Variants in TBC1D13 observed in about 807,000 individuals in gnomAD.
TBC1D13 encodes the protein epididymis secretory sperm binding protein.
In TBC1D13, 40 loss-of-function variants were observed where a neutral mutation model predicts 53.6. The observed-to-expected ratio is 0.75, with a 90% CI of 0.58 to 0.97. The LOEUF is 0.97. TBC1D13 is among the 50% of genes least tolerant of loss of function. The probability of loss-of-function intolerance (pLI) is 0.00; values close to 1 mark genes in which losing one functional copy is unlikely to be tolerated. For synonymous variants in TBC1D13, 182 were observed against 197.7 expected (o/e 0.92, Z 0.67); for missense variants, 377 against 499.4 (o/e 0.75, Z 2.34).
chr9:128,790,741 C>A lies in TBC1D13; in HGVS notation c.104C>A (p.Pro35His). The change falls in exon 3 of 12, where the codon CCC (proline) becomes CAC (histidine). Residue 35 changes from proline to histidine, a missense_variant. By Grantham distance (77) the Pro-to-His change is moderately conservative (BLOSUM62 -2). Coordinates refer to ENST00000372648, the MANE Select transcript of TBC1D13 (RefSeq NM_018201.5). ...TTGCCTGCTGTGTCCACAGGCATCC[C>A]CTGTGAGGGCGGACTGCGGTGCCTC... is the stretch of plus-strand genomic sequence containing the variant. ...KLRELSFSGIPCEGGLRCLCW... is the reference protein window; with the variant it reads ...KLRELSFSGIHCEGGLRCLCW... 1 of 1,552,656 alleles carries A rather than the reference C, an allele frequency of 6.4e-7. No individual in the cohort carries two copies. The highest frequency in any genetic ancestry group is 8.6e-7 in the Non-Finnish European group (1 of 1,158,018).
chr9:128,801,329 G>C (rs1485235465), intron 7 of TBC1D13, among the ~76,000 whole-genome samples: 1 of 152,076 alleles, frequency 6.6e-6, no homozygotes, highest in East Asian at 1.9e-4. Flanking sequence ...TTGGTCTCTT[G>C]ATTTGGACTA....
intron 6 of TBC1D13, 74 bp from the exon 7 acceptor site, chr9:128,796,981 G>A (rs1829641889): frequency 6.5e-7 from 1 of 1,534,240 alleles, no homozygotes; most frequent in Non-Finnish European, 9.0e-7. Context: ...GGGAGTCTTG[G>A]GGTCTCCTGG....
intron 5 of TBC1D13, among the ~76,000 whole-genome samples, chr9:128,792,106 G>A (rs1829543811): frequency 1.3e-5 from 2 of 152,224 alleles, no homozygotes; most frequent in African/African-American, 2.4e-5. Flanking sequence ...CTCACAGATA[G>A]GAATTGACGA....
intron 7 of TBC1D13, among the ~76,000 whole-genome samples, chr9:128,797,534 G>A (rs1428463064): frequency 6.6e-6 from 1 of 152,196 alleles, no homozygotes; most frequent in Non-Finnish European, 1.5e-5. Flanking sequence ...TGGGCACAGT[G>A]GTTCACGCCT....
In TBC1D13 at chr9:128,797,112, C is replaced by T. The variant is rs996068568; in HGVS notation, c.441C>T (p.Leu147=). The change falls in exon 7 of 12, where the codon CTC becomes CTT. Residue 147 remains leucine (L), a synonymous_variant. Transcript: ENST00000372648. ...GGGCCACTGACTACCCTTGCCTCCT[C>T]ATCCTGGACCCCCAGAATGAGTTTG... ...FQRATDYPCL[L]ILDPQNEFET... is the part of the protein sequence containing the mutation. The T allele has an allele frequency of 5.0e-6, 8 of 1,613,988 alleles. No homozygotes were observed. The highest frequency in any genetic ancestry group is 6.8e-6 in the Non-Finnish European group (8 of 1,180,036).
chr9:128,796,252 A>AT lies in TBC1D13; in HGVS notation c.384-789dup, dbSNP rs558315205. Among the ~76,000 whole-genome samples the AT allele has an allele frequency of 6.6e-3, 938 of 143,096 alleles. 10 individuals are homozygous for AT. Among genetic ancestry groups the AT allele is most frequent in the African/African-American group, 0.02 (775 of 39,110 alleles). The allele number at this position is 143,096 out of a possible 152,430, so 93.9% of individuals were successfully genotyped here. On this transcript the variant is annotated intron_variant, in intron 6 of 11. Coordinates refer to ENST00000372648, the MANE Select transcript of TBC1D13 (RefSeq NM_018201.5). ...AGGCACCTCCCACTGCGCCTGGCTA[A>AT]TTTTTTTTTTTTTTGAGACGGAGTT...
At chr9:128,800,489 G>A (rs10988118) in intron 7 of TBC1D13, among the ~76,000 whole-genome samples, 3 of 146,036 alleles carry the variant, frequency 2.1e-5, no homozygotes, top group Non-Finnish European at 4.4e-5. Context: ...TCGTGCCTTA[G>A]CCTCCTGAAT....
At position 128,803,442 on chromosome 9, in the gene TBC1D13, C is replaced by T; in HGVS notation, c.736C>T (p.Pro246Ser). 1 of 1,614,112 alleles carries T rather than the reference C, an allele frequency of 6.2e-7. No homozygotes were observed. The highest frequency in any genetic ancestry group is 1.3e-5 in the African/African-American group (1 of 75,012). The change falls in exon 8 of 12, where the codon CCC becomes TCC. Residue 246 changes from proline to serine, a missense_variant. By Grantham distance (74) the Pro-to-Ser change is moderately conservative (BLOSUM62 -1). Transcript: ENST00000372648. ...GPLYYTFATD[P>S]NSEWKEHAEA... ...CCTCTACTACACCTTTGCCACCGAC[C>T]CCAATAGTGAGTGGAAAGGTAAGAA...
intron 6 of TBC1D13, 21 bp downstream of exon 6, chr9:128,792,595 C>T (rs766774042): frequency 2.7e-5 from 44 of 1,610,282 alleles, no homozygotes; most frequent in African/African-American, 4.0e-5. Flanking sequence ...TGCCTGGGGC[C>T]GGGAGCTGGC....
intron 6 of TBC1D13, among the ~76,000 whole-genome samples, chr9:128,796,424 T>G (rs930737304): frequency 7.2e-5 from 11 of 152,058 alleles, no homozygotes; most frequent in Admixed American, 7.2e-4. Flanking sequence ...TAATTTTGTA[T>G]TTTTTTAGTA....
Position 128,803,413 on chromosome 9 carries a change from G to C in TBC1D13, c.707G>C (p.Gly236Ala), listed in dbSNP as rs751734572. The stretch of plus-strand genomic sequence containing the variant: ...GTGCAAGGCATGAATGAAATCGTGG[G>C]GCCCCTCTACTACACCTTTGCCACC... The part of the protein sequence containing the change: ...AYVQGMNEIV[G>A]PLYYTFATDP... The change falls in exon 8 of 12, where the codon GGG becomes GCG. Residue 236 changes from glycine (G) to alanine (A), a missense_variant. By Grantham distance (60) the Gly-to-Ala change is moderately conservative (BLOSUM62 0). Coordinates refer to ENST00000372648, the MANE Select transcript of TBC1D13 (RefSeq NM_018201.5). 1 of 1,614,142 alleles carries C rather than the reference G, an allele frequency of 6.2e-7. No individual in the cohort carries two copies. Among genetic ancestry groups the C allele is most frequent in the Non-Finnish European group, 8.5e-7 (1 of 1,180,042 alleles).
chr9:128,803,512 G>C, intron 8 of TBC1D13, 52 bp downstream of exon 8: 2 of 1,566,530 alleles, frequency 1.3e-6, no homozygotes, highest in South Asian at 1.1e-5. Flanking sequence ...GTGTCAGGCT[G>C]TGCACCTCAC....
chr9:128,804,249 G>A lies in TBC1D13; in HGVS notation c.918+130G>A, dbSNP rs531350859. 2.6e-5 allele frequency: 28 copies of A among 1,087,292 alleles called. 1 individual carries two copies. In the Admixed American group the frequency reaches 4.8e-4, roughly 19 times the overall value. 67.4% of individuals were successfully genotyped at this position (1,087,292 alleles called of 1,614,324 possible). Reference sequence around the variant, plus strand: ...AGCTGCTGCTGCTGCTGCCCGGGACGCTGACCCATGTGCTGAGGCAGCTGA... The same window carrying A: ...AGCTGCTGCTGCTGCTGCCCGGGACACTGACCCATGTGCTGAGGCAGCTGA... On this transcript the variant is annotated intron_variant, in intron 9 of 11. Transcript: ENST00000372648.
At chr9:128,802,754 T>TTTTTTA in intron 7 of TBC1D13, among the ~76,000 whole-genome samples, 2 of 141,054 alleles carry the variant, frequency 1.4e-5, no homozygotes, top group Admixed American at 6.9e-5. Flanking sequence ...TTTTTTTTTT[T>TTTTTTA]GAGACAGTGT....
chr9:128,804,948 C>T (rs762443610), intron 9 of TBC1D13, among the ~76,000 whole-genome samples: 11 of 150,386 alleles, frequency 7.3e-5, no homozygotes, highest in Non-Finnish European at 1.5e-4. Flanking sequence ...AGGCTGGTCT[C>T]GAACTCCTGA....
At chr9:128,793,629 G>GACTTAGC (rs1829574493) in intron 6 of TBC1D13, among the ~76,000 whole-genome samples, 1 of 152,338 alleles carries the variant, frequency 6.6e-6, no homozygotes, top group Admixed American at 6.5e-5. Context: ...AGATACGTGG[G>GACTTAGC]ACTTAGCACT....
At position 128,797,204 on chromosome 9, in the gene TBC1D13, G is replaced by A. The variant is rs760695395; in HGVS notation, c.533G>A (p.Gly178Glu). 1.1e-5 allele frequency: 17 copies of A among 1,613,812 alleles called. No homozygotes were observed. Among genetic ancestry groups the A allele is most frequent in the Non-Finnish European group, 1.4e-5 (17 of 1,179,938 alleles). Residue 178 changes from glycine to glutamate, a missense_variant, in exon 7 of 12, where the codon GGG (glycine) becomes GAG (glutamate). Physicochemically the swap from Gly to Glu is moderately conservative, Grantham distance 98. Coordinates refer to ENST00000372648, the MANE Select transcript of TBC1D13 (RefSeq NM_018201.5). ...CAGACGGTGGCCCGGAACCGGAGTG[G>A]GGTCACAAATGTGAGTGCCAACCTG... is the stretch of plus-strand genomic sequence containing the variant. Reference protein sequence around the residue: ...KSQTVARNRSGVTNMSSPHKN... With the variant: ...KSQTVARNRSEVTNMSSPHKN...
At chr9:128,791,001 T>C (rs1039893711) in intron 3 of TBC1D13, among the ~76,000 whole-genome samples, 11 of 152,360 alleles carry the variant, frequency 7.2e-5, no homozygotes, top group Admixed American at 2.0e-4. Flanking sequence ...CTCTGCTTCC[T>C]GGTCCGTGAA....
intron 6 of TBC1D13, among the ~76,000 whole-genome samples, chr9:128,794,132 C>T (rs1015817411): frequency 6.6e-6 from 1 of 152,160 alleles, no homozygotes; most frequent in African/African-American, 2.4e-5. Context: ...GAGGAGGCAG[C>T]AAGCTGGGTG....
Sources: gnomAD v4.1 joint callset for allele counts (sites outside exome capture counted in the v4.1 genomes callset) on GRCh38, gnomAD v4.1.1 for gene constraint, MANE v1.5 for transcripts, NCBI Gene and HGNC (gene_info 2026-07-23, HGNC 2026-07-21) for gene names.